The following TCF12 variants were observed in gnomAD, a reference collection of about 807,000 sequenced individuals.
TCF12 encodes the protein transcription factor 12, also known as DNA-binding protein HTF4.
A neutral mutation model predicts 86.0 loss-of-function variants in TCF12; 45 were observed. The ratio of observed to expected loss-of-function variants is 0.52; its 90% CI spans 0.41 to 0.67. The LOEUF (loss-of-function observed/expected upper bound fraction) is 0.67. TCF12 is among the 30% of genes least tolerant of loss of function. The probability of loss-of-function intolerance (pLI) is 0.00; values close to 1 mark genes in which losing one functional copy is unlikely to be tolerated. For missense variants in TCF12, 881 were observed against 859.9 expected, an observed-to-expected ratio of 1.02 and a Z score of -0.31; for synonymous variants, 330 against 299.6, an observed-to-expected ratio of 1.10 and a Z score of -1.05.
At chr15:57,075,836 T>TCTC (rs1567371379) in intron 4 of TCF12, among the ~76,000 whole-genome samples, 11 of 22,344 alleles carry the variant, frequency 4.9e-4, no homozygotes, top group Non-Finnish European at 9.3e-4. Flanking sequence ...CTCTCTCTCT[T>TCTC]TTCTTTCTTT....
intron 3 of TCF12, among the ~76,000 whole-genome samples, chr15:57,007,423 A>C (rs2064447520): frequency 6.6e-6 from 1 of 152,236 alleles, no homozygotes; most frequent in African/African-American, 2.4e-5. Context: ...GAGGACAATC[A>C]GTAAAAAAGA....
At chr15:57,169,651 GA>G (rs1302326798) in intron 6 of TCF12, among the ~76,000 whole-genome samples, 1 of 152,110 alleles carries the variant, frequency 6.6e-6, no homozygotes, top group Non-Finnish European at 1.5e-5. Context: ...AAATGTTTGA[GA>G]GCCACTGGGC....
intron 3 of TCF12, among the ~76,000 whole-genome samples, chr15:56,979,287 G>GT (rs1187931599): frequency 1.1e-4 from 16 of 152,110 alleles, no homozygotes; most frequent in South Asian, 4.2e-4. Flanking sequence ...ATAAAATCAT[G>GT]TTTTTTTGGT....
At chr15:57,233,122 A>G (rs767667727) in intron 11 of TCF12, among the ~76,000 whole-genome samples, 29 of 145,796 alleles carry the variant, frequency 2.0e-4, no homozygotes, top group Non-Finnish European at 3.6e-4. Flanking sequence ...ATGTTTGTGT[A>G]TATATGTATA....
intron 13 of TCF12, among the ~76,000 whole-genome samples, chr15:57,244,786 A>G (rs1486700782): frequency 2.0e-5 from 3 of 151,160 alleles, no homozygotes; most frequent in Non-Finnish European, 2.9e-5. Context: ...TTTTCTTAAT[A>G]TTTTTTATGT....
intron 3 of TCF12, among the ~76,000 whole-genome samples, chr15:57,031,162 T>C (rs1483411251): frequency 6.6e-6 from 1 of 152,244 alleles, no homozygotes; most frequent in East Asian, 1.9e-4. Context: ...CTGCTCTCTC[T>C]ATATTTTTCT....
At chr15:57,211,465 A>G (rs1052850058) in intron 8 of TCF12, among the ~76,000 whole-genome samples, 21 of 152,302 alleles carry the variant, frequency 1.4e-4, no homozygotes, top group African/African-American at 4.3e-4. Flanking sequence ...TTACTAGGCA[A>G]TGGAGTTATA....
rs752941466 is a variant in TCF12, at chr15:57,016,585, G to C, written c.149-47165G>C. ...CATTTGGTCCTCCCTTTGTTGGTCA[G>C]ATTAATCAGCTTGGTTGATAGAATG... On this transcript the variant is annotated intron_variant, in intron 3 of 20. Coordinates refer to ENST00000333725, the MANE Select transcript of TCF12 (RefSeq NM_207037.2). 2.0e-5 allele frequency among the ~76,000 whole-genome samples: 3 copies of C among 152,052 alleles called. No homozygotes were observed. The South Asian group carries it at 6.2e-4, about 31-fold the overall frequency.
intron 3 of TCF12, among the ~76,000 whole-genome samples, chr15:56,958,794 G>A (rs1231269055): frequency 1.3e-5 from 2 of 151,886 alleles, no homozygotes; most frequent in Admixed American, 1.3e-4. Context: ...GCAGAGACAG[G>A]AGGATCACTT....
chr15:57,089,142 G>C (rs184820357), intron 4 of TCF12, among the ~76,000 whole-genome samples: 6 of 152,278 alleles, frequency 3.9e-5, no homozygotes, highest in Admixed American at 3.3e-4. Context: ...GCATCAGTTT[G>C]CACCTGTAGA....
chr15:57,246,729 A>C (rs559143832), intron 13 of TCF12, among the ~76,000 whole-genome samples: 2 of 152,230 alleles, frequency 1.3e-5, no homozygotes, highest in Non-Finnish European at 2.9e-5. Context: ...ACTACATTGC[A>C]TTAGTCAGTA....
chr15:57,252,845 ATTAAAAC>A (rs1396610478), intron 15 of TCF12, among the ~76,000 whole-genome samples: 5 of 152,078 alleles, frequency 3.3e-5, no homozygotes, highest in African/African-American at 7.2e-5. Flanking sequence ...TTAAGACAAA[ATTAAAAC>A]TTAAACTTAC....
chr15:57,045,490 C>T (rs2067173389), intron 3 of TCF12, among the ~76,000 whole-genome samples: 1 of 152,052 alleles, frequency 6.6e-6, no homozygotes, highest in Non-Finnish European at 1.5e-5. Flanking sequence ...TTCTGTATCA[C>T]TTGCTATAAT....
At chr15:57,189,386 TCAA>T (rs1315505144) in intron 6 of TCF12, among the ~76,000 whole-genome samples, 1 of 152,098 alleles carries the variant, frequency 6.6e-6, no homozygotes, top group East Asian at 1.9e-4. Context: ...CTCTTACAAT[TCAA>T]CAACAAGAAG....
chr15:57,003,135 G>C (rs775409676), intron 3 of TCF12, among the ~76,000 whole-genome samples: 30 of 152,258 alleles, frequency 2.0e-4, no homozygotes, highest in Non-Finnish European at 3.7e-4. Flanking sequence ...ACTTTTCTAT[G>C]GGTTGAGGAA....
intron 16 of TCF12, among the ~76,000 whole-genome samples, chr15:57,254,857 C>CAAAAAAAAAAAAAAAAAAAAAAAA (rs777934020): frequency 9.7e-6 from 1 of 102,568 alleles, no homozygotes; most frequent in African/African-American, 4.6e-5. Context: ...GACCCTGTCT[C>CAAAAAAAAAAAAAAAAAAAAAAAA]AAAAAAAAAA....
intron 12 of TCF12, among the ~76,000 whole-genome samples, chr15:57,238,716 G>A (rs1360152425): frequency 3.3e-5 from 5 of 151,974 alleles, no homozygotes; most frequent in African/African-American, 1.2e-4. Flanking sequence ...ATATATATTG[G>A]GCACCTACTT....
intron 5 of TCF12, among the ~76,000 whole-genome samples, chr15:57,121,566 C>G (rs2051233880): frequency 6.6e-6 from 1 of 152,170 alleles, no homozygotes; most frequent in South Asian, 2.1e-4. Context: ...CTCTTCTACC[C>G]TGTGAGGACA....
intron 1 of TCF12, chr15:56,919,523 C>T (rs1266047436): frequency 1.2e-5 from 2 of 170,694 alleles, no homozygotes; most frequent in Non-Finnish European, 2.5e-5. Flanking sequence ...CCGAATTGCC[C>T]CTCACCCCGC....
Sources: allele counts gnomAD v4.1 joint callset (sites outside exome capture counted in the v4.1 genomes callset), GRCh38; gene constraint gnomAD v4.1.1; transcripts MANE v1.5; gene names NCBI Gene and HGNC (gene_info 2026-07-23, HGNC 2026-07-21).